The following TUSC3 variants were observed in gnomAD, a reference collection of about 807,000 sequenced individuals.
The protein encoded by TUSC3 is dolichyl-diphosphooligosaccharide--protein glycosyltransferase subunit TUSC3.
In TUSC3, 45 loss-of-function variants were observed where a neutral mutation model predicts 44.8. That is an observed-to-expected ratio of 1.00 (90% CI 0.79 to 1.29). TUSC3 has a LOEUF of 1.29. Among genes scored for constraint, TUSC3 ranks in the 50% most tolerant of loss-of-function variants. TUSC3 has a pLI of 0.00. For synonymous variants in TUSC3, 212 were observed against 152.9 expected, an observed-to-expected ratio of 1.39 and a Z score of -2.85; for missense variants, 519 against 437.9, an observed-to-expected ratio of 1.19 and a Z score of -1.65.
At chr8:15,753,312 C>T (rs1242090450) in intron 9 of TUSC3, among the ~76,000 whole-genome samples, 1 of 151,992 alleles carries the variant, frequency 6.6e-6, no homozygotes, top group Non-Finnish European at 1.5e-5. Flanking sequence ...GTCATTTAAT[C>T]GTTTTCCTAC....
At chr8:15,490,844 C>T (rs557799847) in intron 2 of TUSC3, among the ~76,000 whole-genome samples, 1 of 152,176 alleles carries the variant, frequency 6.6e-6, no homozygotes, top group East Asian at 1.9e-4. Context: ...AAGAAAATCA[C>T]TGAGGCAGGT....
At chr8:15,820,310 C>CTT in the TUSC3 span, among the ~76,000 whole-genome samples, 62 of 97,538 alleles carry the variant, frequency 6.4e-4, no homozygotes, top group Admixed American at 1.9e-3. Flanking sequence ...ATCTGTAATT[C>CTT]TTTTTTTTTT....
chr8:15,631,837 C>T (rs1405715685), intron 2 of TUSC3, among the ~76,000 whole-genome samples: 3 of 152,038 alleles, frequency 2.0e-5, no homozygotes, highest in Non-Finnish European at 2.9e-5. Context: ...TCTCAGGTAT[C>T]TGGGACTACA....
chr8:15,526,369 G>C (rs1045988388), intron 2 of TUSC3, among the ~76,000 whole-genome samples: 2 of 152,108 alleles, frequency 1.3e-5, no homozygotes, highest in Non-Finnish European at 2.9e-5. Context: ...ATTCTATACA[G>C]AGGGAAACTA....
intron 2 of TUSC3, among the ~76,000 whole-genome samples, chr8:15,639,207 A>C (rs904516362): frequency 6.7e-6 from 1 of 150,248 alleles, no homozygotes; most frequent in Non-Finnish European, 1.5e-5. Flanking sequence ...GATGATGATC[A>C]TGTGTTGATG....
intron 1 of TUSC3, among the ~76,000 whole-genome samples, chr8:15,443,026 C>T (rs1335969179): frequency 6.6e-6 from 1 of 152,222 alleles, no homozygotes; most frequent in Admixed American, 6.5e-5. Flanking sequence ...GTAACCCCTT[C>T]ACTCCACTGT....
In TUSC3 at chr8:15,659,586, A is replaced by C; in HGVS notation, c.506A>C (p.Gln169Pro). 2 of 1,613,538 alleles carry C rather than the reference A, an allele frequency of 1.2e-6. No homozygotes were observed. Among genetic ancestry groups the C allele is most frequent in the Non-Finnish European group, 1.7e-6 (2 of 1,179,712 alleles). The change falls in exon 4 of 11, where the codon CAA becomes CCA. Residue 169 changes from glutamine to proline, a missense_variant. Gln to Pro is a moderately conservative substitution (Grantham distance 76, BLOSUM62 -1). Transcript: ENST00000503731. The part of the protein sequence containing the change: ...RPKRADTFDL[Q>P]RIGFAAEQLA... ...AAGAGAGCTGATACTTTTGACCTCCAAAGAATTGGATTTGCAGCTGAGCAA... is the reference window on the plus strand; with the variant it reads ...AAGAGAGCTGATACTTTTGACCTCCCAAGAATTGGATTTGCAGCTGAGCAA...
At chr8:15,435,637 A>T (rs1054663636) in intron 1 of TUSC3, among the ~76,000 whole-genome samples, 2 of 152,152 alleles carry the variant, frequency 1.3e-5, no homozygotes, top group African/African-American at 4.8e-5. Flanking sequence ...ATTTTATTAA[A>T]ATGTATGTAT....
chr8:15,700,574 G>C (rs1809353639), intron 6 of TUSC3, among the ~76,000 whole-genome samples: 2 of 152,146 alleles, frequency 1.3e-5, no homozygotes, highest in African/African-American at 4.8e-5. Context: ...TGAGGGAACA[G>C]AGAGTAATTT....
At chr8:15,844,936 C>G in the TUSC3 span, among the ~76,000 whole-genome samples, 1 of 152,072 alleles carries the variant, frequency 6.6e-6, no homozygotes, top group Admixed American at 6.6e-5. Context: ...TTTCTACCAC[C>G]TCTTAAAGAG....
intron 2 of TUSC3, among the ~76,000 whole-genome samples, chr8:15,635,734 T>C (rs1217977810): frequency 6.6e-6 from 1 of 152,164 alleles, no homozygotes; most frequent in African/African-American, 2.4e-5. Context: ...CCCTGCAAGG[T>C]AAACAGGCCA....
intron 6 of TUSC3, among the ~76,000 whole-genome samples, chr8:15,730,367 C>A (rs917180476): frequency 8.6e-5 from 13 of 151,706 alleles, no homozygotes; most frequent in Non-Finnish European, 1.3e-4. Flanking sequence ...TTTTGCAATA[C>A]CTCTACAGGA....
At chr8:15,616,945 A>C (rs1457386699) in intron 1 of TUSC3, among the ~76,000 whole-genome samples, 1 of 152,188 alleles carries the variant, frequency 6.6e-6, no homozygotes, top group Non-Finnish European at 1.5e-5. Flanking sequence ...CCGAGTGGGC[A>C]GAATGAGCCC....
At chr8:15,813,526 A>G in the TUSC3 span, among the ~76,000 whole-genome samples, 1 of 151,522 alleles carries the variant, frequency 6.6e-6, no homozygotes, top group African/African-American at 2.5e-5. Flanking sequence ...CCACCTTACA[A>G]CTTGATGACA....
the TUSC3 span, among the ~76,000 whole-genome samples, chr8:15,829,630 T>A: frequency 6.6e-6 from 1 of 152,092 alleles, no homozygotes; most frequent in Non-Finnish European, 1.5e-5. Flanking sequence ...AGTTTATCAA[T>A]CTTTTCTTTT....
At chr8:15,620,476 C>T (rs1268894769) in intron 1 of TUSC3, among the ~76,000 whole-genome samples, 3 of 151,432 alleles carry the variant, frequency 2.0e-5, no homozygotes, top group African/African-American at 7.3e-5. Flanking sequence ...GACTGTGTAC[C>T]CTGAAATCTG....
chr8:15,449,401 G>C lies in TUSC3; in HGVS notation n.91+32096G>C, dbSNP rs1286101731. Among the ~76,000 whole-genome samples, 3 of 152,270 alleles carry C rather than the reference G, an allele frequency of 2.0e-5. No homozygotes were observed. In the East Asian group the frequency reaches 5.8e-4, roughly 29 times the overall value. ...AAGGTGAAGCAGAGGACACGGAAAT[G>C]TTAACTGCACATCCTCCATAGAGTG... On this transcript the variant is annotated intron_variant and non_coding_transcript_variant, in intron 1 of 5. Coordinates refer to the TUSC3 transcript ENST00000503191.
chr8:15,821,125 T>C, the TUSC3 span, among the ~76,000 whole-genome samples: 2 of 152,172 alleles, frequency 1.3e-5, no homozygotes, highest in East Asian at 1.9e-4. Context: ...AATAACTTTA[T>C]TTTGCCTTCA....
At chr8:15,458,003 T>A (rs1455156664) in intron 1 of TUSC3, among the ~76,000 whole-genome samples, 1 of 151,918 alleles carries the variant, frequency 6.6e-6, no homozygotes, top group Non-Finnish European at 1.5e-5. Flanking sequence ...CATAATGTAC[T>A]TTGTATAAAG....
Sources: gnomAD v4.1 joint callset for allele counts (sites outside exome capture counted in the v4.1 genomes callset) on GRCh38, gnomAD v4.1.1 for gene constraint, MANE v1.5 for transcripts, NCBI Gene and HGNC (gene_info 2026-07-23, HGNC 2026-07-21) for gene names.